Variants in EML1 observed in about 807,000 individuals in gnomAD.
EML1 encodes the protein EMAP like 1.
Under a neutral mutation model 110.4 loss-of-function variants are expected in EML1, and 27 were observed. The observed-to-expected ratio is 0.24, with a 90% CI of 0.18 to 0.34. The LOEUF is 0.34. Among genes scored for constraint, EML1 ranks in the 10% least tolerant of loss-of-function variants. The probability of loss-of-function intolerance (pLI) is 1.00; values close to 1 mark genes in which losing one functional copy is unlikely to be tolerated. For missense variants in EML1, 741 were observed against 1,030.9 expected, an observed-to-expected ratio of 0.72 and a Z score of 3.85; for synonymous variants, 344 against 385.8, an observed-to-expected ratio of 0.89 and a Z score of 1.27.
Position 99,831,235 on chromosome 14 carries a change from G to A in EML1, c.68-19618G>A, listed in dbSNP as rs971642155. ...GGTGTGGGATTTGGAGCAGGGCTTT[G>A]AAGTGGAAAGGCAAATGTTTTCTTG... On this transcript the variant is annotated intron_variant, in intron 1 of 21. Transcript: ENST00000262233. Among the ~76,000 whole-genome samples the A allele has an allele frequency of 3.9e-5, 6 of 152,220 alleles. No homozygotes were observed. The East Asian group carries it at 5.8e-4, about 15-fold the overall frequency.
chr14:99,880,885 C>A (rs150291537), intron 4 of EML1, among the ~76,000 whole-genome samples: 2 of 152,168 alleles, frequency 1.3e-5, no homozygotes, highest in Non-Finnish European at 2.9e-5. Flanking sequence ...TGATCGTCAT[C>A]CCTGTGATAG....
rs2057279651 is a variant in EML1 at position 99,758,406 on chromosome 14, T to C, written c.28+20546T>C. 2.0e-5 allele frequency among the ~76,000 whole-genome samples: 3 copies of C among 152,210 alleles called. No homozygotes were observed. In the South Asian group the frequency reaches 6.2e-4, roughly 32 times the overall value. On this transcript the variant is annotated intron_variant, in intron 1 of 10. Coordinates refer to the EML1 transcript ENST00000554479. ...CCCACCATGTATGGGGATTGCTTTG[T>C]GGGGGAGGAGACCTGCCTCAGTACC...
At chr14:99,789,220 T>G (rs1307755461), upstream of EML1, among the ~76,000 whole-genome samples, 3 of 151,840 alleles carry the variant, frequency 2.0e-5, no homozygotes, top group Non-Finnish European at 2.9e-5. Context: ...ATTTATTTAT[T>G]TTTTTTGAGA....
chr14:99,774,947 G>A (rs1054358911), intron 1 of EML1, among the ~76,000 whole-genome samples: 11 of 152,144 alleles, frequency 7.2e-5, no homozygotes, highest in Non-Finnish European at 1.0e-4. Context: ...AGCCAAAAAT[G>A]CAATTTACTA....
intron 4 of EML1, among the ~76,000 whole-genome samples, chr14:99,881,256 A>T (rs2059379811): frequency 6.6e-6 from 1 of 152,208 alleles, no homozygotes; most frequent in Admixed American, 6.5e-5. Flanking sequence ...AGAAGAAGCA[A>T]ATCATTCACA....
chr14:99,832,749 A>G (rs900071293), intron 1 of EML1, among the ~76,000 whole-genome samples: 7 of 152,148 alleles, frequency 4.6e-5, no homozygotes, highest in African/African-American at 7.2e-5. Context: ...AATGCTTCAT[A>G]TATTCTGGAT....
chr14:99,799,711 C>G (rs567650759), intron 1 of EML1, among the ~76,000 whole-genome samples: 2 of 152,308 alleles, frequency 1.3e-5, no homozygotes, highest in African/African-American at 4.8e-5. Context: ...AAAAAGTAAC[C>G]ATTAATTGGT....
Position 99,738,009 on chromosome 14 carries a change from G to C in EML1, c.28+149G>C. 6 of 823,088 alleles carry C rather than the reference G, an allele frequency of 7.3e-6. No individual in the cohort carries two copies. The South Asian group carries it at 1.0e-4, about 14-fold the overall frequency. 51.0% of individuals were successfully genotyped at this position (823,088 alleles called of 1,614,324 possible). On this transcript the variant is annotated intron_variant, in intron 1 of 10. Coordinates refer to the EML1 transcript ENST00000554479. ...GCCCGACGCCTGGGGGGCCTGTGCC[G>C]CTGGAAGGGGGGAGCTTGACTTTCA... is the stretch of plus-strand genomic sequence containing the variant.
chr14:99,787,522 G>C (rs1180399285), intron 1 of EML1, among the ~76,000 whole-genome samples: 2 of 152,066 alleles, frequency 1.3e-5, no homozygotes, highest in Non-Finnish European at 1.5e-5. Flanking sequence ...CAGGTGATCT[G>C]CCTGGCTTGG....
intron 1 of EML1, among the ~76,000 whole-genome samples, chr14:99,836,664 A>T (rs2058545928): frequency 6.6e-6 from 1 of 152,100 alleles, no homozygotes; most frequent in African/African-American, 2.4e-5. Context: ...ATTTTGGGTC[A>T]TATTTTTGTG....
intron 4 of EML1, 51 bp downstream of exon 4, chr14:99,878,670 C>T: frequency 6.4e-7 from 1 of 1,568,676 alleles, no homozygotes; most frequent in Non-Finnish European, 8.6e-7. Flanking sequence ...GTTAGTACGG[C>T]TTGTCCCCAG....
intron 4 of EML1, among the ~76,000 whole-genome samples, chr14:99,880,976 C>A (rs1292464132): frequency 6.6e-6 from 1 of 152,148 alleles, no homozygotes; most frequent in African/African-American, 2.4e-5. Context: ...TTATTTTCCT[C>A]ATTTGTAAGA....
chr14:99,772,549 T>C (rs899072415), upstream of EML1, among the ~76,000 whole-genome samples: 7 of 152,194 alleles, frequency 4.6e-5, no homozygotes, highest in Non-Finnish European at 1.0e-4. Context: ...TCCCTAGGTT[T>C]GGACATTGCT....
chr14:99,870,556 C>A (rs1251591345), intron 3 of EML1, among the ~76,000 whole-genome samples: 4 of 152,186 alleles, frequency 2.6e-5, no homozygotes, highest in Non-Finnish European at 4.4e-5. Context: ...GAAGTCAATA[C>A]CTGACTTCAA....
In EML1 at chr14:99,911,297, T is replaced by C. The variant is rs927504436; in HGVS notation, c.1340-125T>C. On this transcript the variant is annotated intron_variant, in intron 12 of 21. Coordinates refer to ENST00000262233, the MANE Select transcript of EML1 (RefSeq NM_004434.3). ...GTCTAGAAATTGGATCCTTCATAGA[T>C]TCATATTGCAATGATGTGCTCACGG... is the stretch of plus-strand genomic sequence containing the variant. The C allele has an allele frequency of 7.6e-5, 86 of 1,138,962 alleles. No individual in the cohort carries two copies. The Admixed American group carries it at 1.1e-3, about 15-fold the overall frequency. 70.6% of individuals were successfully genotyped at this position (1,138,962 alleles called of 1,614,324 possible). A position where few individuals can be genotyped will look rare whatever the true frequency, so the allele number is the denominator to read the frequency against.
At chr14:99,739,091 T>TGTGTGTGTGTGTGA (rs112232539) in intron 1 of EML1, among the ~76,000 whole-genome samples, 27 of 136,400 alleles carry the variant, frequency 2.0e-4, no homozygotes, top group Admixed American at 2.9e-4. Context: ...TGTGTGTGTG[T>TGTGTGTGTGTGTGA]GAGAGAGAGA....
chr14:99,911,709 T>C, intron 13 of EML1, 133 bp downstream of exon 13: 1 of 1,011,466 alleles, frequency 9.9e-7, no homozygotes, highest in Non-Finnish European at 1.4e-6. Context: ...GAGCAATGTA[T>C]TTTATTAAAA....
chr14:99,810,297 TC>T (rs2058053724), intron 1 of EML1, among the ~76,000 whole-genome samples: 1 of 152,226 alleles, frequency 6.6e-6, no homozygotes, highest in African/African-American at 2.4e-5. Context: ...GTTCCTTCCT[TC>T]CTTCATTTCT....
intron 20 of EML1, 41 bp downstream of exon 20, chr14:99,937,953 G>A (rs377107738): frequency 5.7e-6 from 9 of 1,575,024 alleles, no homozygotes; most frequent in Admixed American, 5.0e-5. Flanking sequence ...ACAAAAGAGT[G>A]TCTCCTTTTA....
Sources: gnomAD v4.1 joint callset for allele counts (sites outside exome capture counted in the v4.1 genomes callset) on GRCh38, gnomAD v4.1.1 for gene constraint, MANE v1.5 for transcripts, NCBI Gene and HGNC (gene_info 2026-07-23, HGNC 2026-07-21) for gene names.